Variants in SPIDR observed in about 807,000 individuals in gnomAD.
SPIDR encodes DNA repair-scaffolding protein.
SPIDR carries 93 observed loss-of-function variants against 104.6 expected under a neutral mutation model. That is an observed-to-expected ratio of 0.89 (90% CI 0.75 to 1.06). The LOEUF is 1.06. SPIDR is among the 50% of genes least tolerant of loss of function. SPIDR has a pLI of 0.00. For synonymous variants in SPIDR, 431 were observed against 416.9 expected (o/e 1.03, Z -0.41); for missense variants, 1,154 against 1,111.2 (o/e 1.04, Z -0.55).
chr8:47,422,133 A>T (rs1554681248), intron 7 of SPIDR, among the ~76,000 whole-genome samples: 3 of 152,180 alleles, frequency 2.0e-5, no homozygotes, highest in East Asian at 1.9e-4. Flanking sequence ...CTCTCTTCAA[A>T]GCTGTCAGAC....
chr8:47,709,389 C>T (rs2081528694), intron 14 of SPIDR, among the ~76,000 whole-genome samples: 1 of 152,266 alleles, frequency 6.6e-6, no homozygotes, highest in Non-Finnish European at 1.5e-5. Context: ...ATTCACCCGC[C>T]TCTGCCTCCC....
intron 8 of SPIDR, among the ~76,000 whole-genome samples, chr8:47,519,123 T>TTTGTTGTTGTTGTTGTTG (rs371410579): frequency 1.3e-5 from 2 of 150,982 alleles, no homozygotes; most frequent in East Asian, 2.0e-4. Flanking sequence ...GGCTATGTGT[T>TTTGTTGTTGTTGTTGTTG]TTGTTGTTGT....
In SPIDR at chr8:47,360,175, G is replaced by A. The variant is rs537763096; in HGVS notation, c.526-36201G>A. Among the ~76,000 whole-genome samples the A allele has an allele frequency of 2.2e-3, 313 of 143,960 alleles. 1 individual carries two copies. Among genetic ancestry groups the A allele is most frequent in the Non-Finnish European group, 2.2e-3 (145 of 66,420 alleles). The allele number at this position is 143,960 out of a possible 152,430, so 94.4% of individuals were successfully genotyped here. A position where few individuals can be genotyped will look rare whatever the true frequency, so the allele number is the denominator to read the frequency against. On this transcript the variant is annotated intron_variant, in intron 5 of 19. Transcript: ENST00000297423. ...GACAATGGCATGAACCCGGGAGGCG[G>A]AGGTTGCAGTGAGCGGAGATCGCGC...
intron 6 of SPIDR, among the ~76,000 whole-genome samples, chr8:47,403,239 G>C (rs1554664677): frequency 1.3e-5 from 2 of 152,138 alleles, no homozygotes; most frequent in East Asian, 3.8e-4. Context: ...CAAACCCACA[G>C]CCAATATCAT....
At chr8:47,732,472 T>C (rs1350933835) in intron 19 of SPIDR, 1 of 443,110 alleles carries the variant, frequency 2.3e-6, no homozygotes, top group Non-Finnish European at 4.1e-6. Context: ...AGTATCACCT[T>C]TTTGGGTGCT....
At position 47,594,111 on chromosome 8, in the gene SPIDR, G is replaced by A. The variant is rs572208483; in HGVS notation, c.1098-1700G>A. On this transcript the variant is annotated intron_variant, in intron 8 of 19. Coordinates refer to ENST00000297423, the MANE Select transcript of SPIDR (RefSeq NM_001080394.4). ...ACGGTGGCTCACGCCTGTAATCCCAGCACTTTGGGAGGCCGAGGCGGGCAA... is the reference window on the plus strand; with the variant it reads ...ACGGTGGCTCACGCCTGTAATCCCAACACTTTGGGAGGCCGAGGCGGGCAA... Among the ~76,000 whole-genome samples, 13 of 140,696 alleles carry A rather than the reference G, an allele frequency of 9.2e-5. No individual in the cohort carries two copies. In the Admixed American group the frequency reaches 9.7e-4, roughly 11 times the overall value. 92.3% of individuals were successfully genotyped at this position (140,696 alleles called of 152,430 possible). A position where few individuals can be genotyped will look rare whatever the true frequency, so the allele number is the denominator to read the frequency against.
At chr8:47,626,880 A>G (rs1395122256) in intron 10 of SPIDR, among the ~76,000 whole-genome samples, 1 of 152,180 alleles carries the variant, frequency 6.6e-6, no homozygotes, top group East Asian at 1.9e-4. Flanking sequence ...CAGCCATCCC[A>G]TTACTGGGTA....
intron 8 of SPIDR, among the ~76,000 whole-genome samples, chr8:47,507,375 G>A (rs139696319): frequency 6.4e-4 from 97 of 152,352 alleles, no homozygotes; most frequent in Non-Finnish European, 1.1e-3. Context: ...TGGGCAGACT[G>A]GACCCAAGAC....
intron 6 of SPIDR, among the ~76,000 whole-genome samples, chr8:47,407,321 C>T (rs1554667965): frequency 6.6e-6 from 1 of 152,152 alleles, no homozygotes; most frequent in African/African-American, 2.4e-5. Flanking sequence ...ATAAGGGACC[C>T]ATACCCAAGT....
At chr8:47,333,466 T>A (rs2049131375) in intron 5 of SPIDR, among the ~76,000 whole-genome samples, 1 of 151,844 alleles carries the variant, frequency 6.6e-6, no homozygotes, top group Admixed American at 6.6e-5. Context: ...TACACCTGGC[T>A]AATTTTTTTG....
rs901119543 is a variant in SPIDR at position 47,735,684 on chromosome 8, T to C, written c.*234T>C. ...TCTGCAAATTTAGGAACATATTTAC[T>C]CGTTTTCACATTGAATCTTAAGTTT... On this transcript the variant is annotated 3_prime_UTR_variant, in exon 20 of 20. Coordinates refer to ENST00000297423, the MANE Select transcript of SPIDR (RefSeq NM_001080394.4). 1.1e-6 allele frequency: 1 copy of C among 911,760 alleles called. No individual in the cohort carries two copies. The highest frequency in any genetic ancestry group is 1.6e-6 in the Non-Finnish European group (1 of 628,350). 56.5% of individuals were successfully genotyped at this position (911,760 alleles called of 1,614,324 possible).
At chr8:47,715,964 CTTTTTTT>C (rs965625857) in intron 16 of SPIDR, among the ~76,000 whole-genome samples, 8 of 127,096 alleles carry the variant, frequency 6.3e-5, no homozygotes, top group Admixed American at 2.4e-4. Flanking sequence ...TCTCTTTTTT[CTTTTTTT>C]TTTTTTTTTT....
At chr8:47,336,810 A>G (rs1223272651) in intron 5 of SPIDR, among the ~76,000 whole-genome samples, 3 of 152,154 alleles carry the variant, frequency 2.0e-5, no homozygotes, top group Non-Finnish European at 4.4e-5. Flanking sequence ...AAATTGTTAG[A>G]TCATGTTATC....
intron 8 of SPIDR, among the ~76,000 whole-genome samples, chr8:47,515,803 C>T (rs1769228797): frequency 1.3e-5 from 2 of 152,218 alleles, no homozygotes; most frequent in Admixed American, 6.5e-5. Context: ...CACATACAGT[C>T]CATGAAATGC....
intron 5 of SPIDR, among the ~76,000 whole-genome samples, chr8:47,373,817 A>C (rs1308650950): frequency 2.0e-5 from 3 of 152,234 alleles, no homozygotes; most frequent in Admixed American, 6.5e-5. Context: ...AGATAAATCA[A>C]ATGTGAATGG....
intron 5 of SPIDR, among the ~76,000 whole-genome samples, chr8:47,344,760 T>C (rs2051521306): frequency 6.6e-6 from 1 of 152,254 alleles, no homozygotes; most frequent in Non-Finnish European, 1.5e-5. Context: ...GCTGCATAAG[T>C]GTCTTCTTTT....
At chr8:47,610,488 G>C (rs540132619) in intron 10 of SPIDR, among the ~76,000 whole-genome samples, 1 of 152,158 alleles carries the variant, frequency 6.6e-6, no homozygotes, top group African/African-American at 2.4e-5. Flanking sequence ...CTGAGCCACC[G>C]CACCTTGCTG....
chr8:47,583,471 C>T (rs2059951594), intron 8 of SPIDR, among the ~76,000 whole-genome samples: 1 of 152,178 alleles, frequency 6.6e-6, no homozygotes, highest in South Asian at 2.1e-4. Context: ...TGTTCAGTCT[C>T]AATCTATACA....
In SPIDR at chr8:47,511,471, A is replaced by G. The variant is rs934739682; in HGVS notation, c.1097+70929A>G. 6.4e-6 allele frequency: 5 copies of G among 777,112 alleles called. No individual in the cohort carries two copies. The East Asian group carries it at 1.2e-4, about 19-fold the overall frequency. 48.1% of individuals were successfully genotyped at this position (777,112 alleles called of 1,614,324 possible). The stretch of plus-strand genomic sequence containing the variant: ...CAAGTTCGCCTGTCCACTGTGAGCT[A>G]GCCTCCACAGCTCTGCTGGCACCTC... On this transcript the variant is annotated intron_variant, in intron 8 of 19. Coordinates refer to ENST00000297423, the MANE Select transcript of SPIDR (RefSeq NM_001080394.4).
Sources: gnomAD v4.1 joint callset for allele counts (sites outside exome capture counted in the v4.1 genomes callset) on GRCh38, gnomAD v4.1.1 for gene constraint, MANE v1.5 for transcripts, NCBI Gene and HGNC (gene_info 2026-07-23, HGNC 2026-07-21) for gene names.